The following HSD17B12 variants were observed in gnomAD, a reference collection of about 807,000 sequenced individuals.
HSD17B12 encodes hydroxysteroid 17-beta dehydrogenase 12.
HSD17B12 carries 32 observed loss-of-function variants against 39.3 expected under a neutral mutation model. The ratio of observed to expected loss-of-function variants is 0.81; its 90% CI spans 0.61 to 1.09. The LOEUF is 1.09. Ranked by LOEUF, HSD17B12 falls within the 50% of genes least tolerant of loss-of-function variation. The pLI is 0.00. For synonymous variants in HSD17B12, 150 were observed against 146.7 expected (o/e 1.02, Z -0.16); for missense variants, 342 against 382.9 (o/e 0.89, Z 0.89).
intron 3 of HSD17B12, among the ~76,000 whole-genome samples, chr11:43,773,261 A>G (rs1042677125): frequency 1.3e-5 from 2 of 152,118 alleles, no homozygotes; most frequent in African/African-American, 4.8e-5. Flanking sequence ...AATTTTTTTC[A>G]GAGATAAGGT....
intron 3 of HSD17B12, among the ~76,000 whole-genome samples, chr11:43,788,685 C>CAAA (rs57970272): frequency 4.6e-3 from 456 of 100,148 alleles, no homozygotes; most frequent in Non-Finnish European, 5.2e-3. Context: ...TTTCCTTCCT[C>CAAA]AAAAAAAAAA....
chr11:43,807,130 G>A (rs533675769), intron 4 of HSD17B12, among the ~76,000 whole-genome samples: 11 of 152,068 alleles, frequency 7.2e-5, no homozygotes, highest in East Asian at 1.9e-4. Flanking sequence ...TCAATCAACC[G>A]TATACTAATT....
intron 1 of HSD17B12, among the ~76,000 whole-genome samples, chr11:43,720,348 G>A (rs930250540): frequency 6.6e-6 from 1 of 152,206 alleles, no homozygotes; most frequent in African/African-American, 2.4e-5. Context: ...CAGTCAATAA[G>A]TTAATTAGGT....
intron 4 of HSD17B12, among the ~76,000 whole-genome samples, chr11:43,799,768 AG>A (rs1400721849): frequency 6.6e-6 from 1 of 152,196 alleles, no homozygotes; most frequent in Non-Finnish European, 1.5e-5. Flanking sequence ...ATCCTATAAA[AG>A]AATGGTCTTT....
chr11:43,589,659 C>T, the HSD17B12 span, among the ~76,000 whole-genome samples: 3 of 152,048 alleles, frequency 2.0e-5, no homozygotes, highest in African/African-American at 4.8e-5. Context: ...TTATAATAAA[C>T]GGTTCAGGGA....
chr11:43,592,013 A>T, the HSD17B12 span, among the ~76,000 whole-genome samples: 3 of 152,070 alleles, frequency 2.0e-5, no homozygotes, highest in Non-Finnish European at 2.9e-5. Context: ...TTTTTGTTAG[A>T]AATATAGTTT....
chr11:43,570,931 G>A, the HSD17B12 span, among the ~76,000 whole-genome samples: 2 of 152,098 alleles, frequency 1.3e-5, no homozygotes, highest in South Asian at 4.1e-4. Flanking sequence ...TTAACTAATA[G>A]CCTCTCCAAT....
chr11:43,654,703 T>A, the HSD17B12 span, among the ~76,000 whole-genome samples: 2 of 152,190 alleles, frequency 1.3e-5, no homozygotes, highest in Non-Finnish European at 2.9e-5. Flanking sequence ...ATCAGATGGT[T>A]GTAGATGTGT....
intron 1 of HSD17B12, among the ~76,000 whole-genome samples, chr11:43,726,387 C>CGAGCAAAG (rs1262575112): frequency 6.6e-6 from 1 of 152,004 alleles, no homozygotes; most frequent in African/African-American, 2.4e-5. Flanking sequence ...CCCTAAAGCC[C>CGAGCAAAG]GAGCAAAGGA....
At chr11:43,706,258 C>A (rs1950013759) in intron 1 of HSD17B12, among the ~76,000 whole-genome samples, 1 of 152,098 alleles carries the variant, frequency 6.6e-6, no homozygotes, top group Admixed American at 6.5e-5. Context: ...AGAAATGAAT[C>A]CTCAGGCTGG....
chr11:43,633,960 G>C, the HSD17B12 span, among the ~76,000 whole-genome samples: 2 of 151,458 alleles, frequency 1.3e-5, no homozygotes, highest in East Asian at 1.9e-4. Context: ...TGTAATCCCA[G>C]CTACTTGGGA....
intron 3 of HSD17B12, among the ~76,000 whole-genome samples, chr11:43,790,103 A>G (rs911302981): frequency 5.3e-5 from 8 of 152,212 alleles, no homozygotes; most frequent in Admixed American, 2.0e-4. Flanking sequence ...CAATTATAAA[A>G]CACCTTGATT....
At chr11:43,836,865 T>C (rs1260544625) in intron 7 of HSD17B12, among the ~76,000 whole-genome samples, 3 of 152,200 alleles carry the variant, frequency 2.0e-5, no homozygotes, top group Non-Finnish European at 4.4e-5. Context: ...AAAAGACTTT[T>C]CTGCTTCTGA....
chr11:43,826,689 TTGTC>T (rs1294656554), intron 6 of HSD17B12, among the ~76,000 whole-genome samples: 2 of 152,098 alleles, frequency 1.3e-5, no homozygotes, highest in Non-Finnish European at 2.9e-5. Context: ...CTTAGAAACT[TTGTC>T]TAATTAAGCT....
the HSD17B12 span, among the ~76,000 whole-genome samples, chr11:43,653,883 C>A: frequency 6.6e-6 from 1 of 152,166 alleles, no homozygotes; most frequent in African/African-American, 2.4e-5. Context: ...GTCTTTATAG[C>A]AGCATGATTT....
chr11:43,766,335 T>C (rs544615547), intron 3 of HSD17B12, among the ~76,000 whole-genome samples: 4 of 152,308 alleles, frequency 2.6e-5, no homozygotes, highest in Admixed American at 2.6e-4. Flanking sequence ...GCTAGGGTCA[T>C]AGGGCTCACC....
At chr11:43,651,296 A>T in the HSD17B12 span, among the ~76,000 whole-genome samples, 1 of 152,358 alleles carries the variant, frequency 6.6e-6, no homozygotes, top group African/African-American at 2.4e-5. Flanking sequence ...AGACATATTC[A>T]TCATACTTTC....
the HSD17B12 span, among the ~76,000 whole-genome samples, chr11:43,619,028 CA>C: frequency 6.6e-6 from 1 of 150,944 alleles, no homozygotes; most frequent in Non-Finnish European, 1.5e-5. Flanking sequence ...GCAGAAGTAA[CA>C]AGAGACTTCT....
chr11:43,748,414 C>A (rs1950435723), intron 1 of HSD17B12, among the ~76,000 whole-genome samples: 1 of 152,080 alleles, frequency 6.6e-6, no homozygotes, highest in Admixed American at 6.5e-5. Context: ...AAACACTGAG[C>A]ACACGTGGAA....
Sources: gnomAD v4.1 joint callset for allele counts (sites outside exome capture counted in the v4.1 genomes callset) on GRCh38, gnomAD v4.1.1 for gene constraint, MANE v1.5 for transcripts, NCBI Gene and HGNC (gene_info 2026-07-23, HGNC 2026-07-21) for gene names.